PTGR1: variants seen among roughly 807,000 people sequenced by gnomAD.
PTGR1 encodes 15-oxoprostaglandin 13-reductase.
PTGR1 carries 23 observed loss-of-function variants against 37.7 expected under a neutral mutation model. The observed-to-expected ratio is 0.61, with a 90% confidence interval of 0.44 to 0.86. The LOEUF (loss-of-function observed/expected upper bound fraction) is 0.86. Ranked by LOEUF, PTGR1 falls within the 40% of genes least tolerant of loss-of-function variation. The pLI, the probability that PTGR1 is intolerant of heterozygous loss-of-function variation, is 0.00. For missense variants in PTGR1, 351 were observed against 394.3 expected, an observed-to-expected ratio of 0.89 and a Z score of 0.93; for synonymous variants, 134 against 140.0, an observed-to-expected ratio of 0.96 and a Z score of 0.30.
At chr9:111,584,376 C>G (rs1829368468) in intron 5 of PTGR1, among the ~76,000 whole-genome samples, 1 of 152,182 alleles carries the variant, frequency 6.6e-6, no homozygotes, top group Non-Finnish European at 1.5e-5. Context: ...GTAGAGGGTA[C>G]AGGGCGGGCA....
chr9:111,568,377 G>A (rs1444723128), intron 9 of PTGR1, among the ~76,000 whole-genome samples: 2 of 152,152 alleles, frequency 1.3e-5, no homozygotes, highest in East Asian at 1.9e-4. Flanking sequence ...GTACCCTCAG[G>A]CTTATTAGGG....
chr9:111,588,715 G>A (rs1034044011), intron 4 of PTGR1, among the ~76,000 whole-genome samples: 1 of 151,824 alleles, frequency 6.6e-6, no homozygotes, highest in Non-Finnish European at 1.5e-5. Flanking sequence ...TAGTAGAGAC[G>A]AGGTTTCACC....
intron 8 of PTGR1, among the ~76,000 whole-genome samples, chr9:111,570,903 G>A (rs764086986): frequency 3.3e-5 from 5 of 152,188 alleles, no homozygotes; most frequent in Admixed American, 6.5e-5. Flanking sequence ...TACAGTCAGG[G>A]ACAGAATATG....
chr9:111,566,495 CATG>C (rs1828568678), intron 9 of PTGR1, among the ~76,000 whole-genome samples: 1 of 152,160 alleles, frequency 6.6e-6, no homozygotes, highest in Non-Finnish European at 1.5e-5. Context: ...GATTAGGAAA[CATG>C]ATGTCATTTT....
intron 8 of PTGR1, among the ~76,000 whole-genome samples, chr9:111,572,890 G>T (rs1004733868): frequency 6.6e-6 from 1 of 151,984 alleles, no homozygotes; most frequent in Non-Finnish European, 1.5e-5. Flanking sequence ...TGCTGTTTCT[G>T]GATTTGTGCG....
intron 2 of PTGR1, 67 bp from the exon 3 acceptor site, chr9:111,594,334 C>T: frequency 2.9e-6 from 4 of 1,378,048 alleles, no homozygotes; most frequent in Non-Finnish European, 4.1e-6. Context: ...AGACACTGAG[C>T]ACCACTAGAC....
intron 9 of PTGR1, among the ~76,000 whole-genome samples, chr9:111,552,118 T>C (rs1212656803): frequency 6.6e-6 from 1 of 152,198 alleles, no homozygotes; most frequent in African/African-American, 2.4e-5. Context: ...AGGGAGAAAA[T>C]GTGAATCACA....
intron 5 of PTGR1, among the ~76,000 whole-genome samples, chr9:111,584,578 A>G (rs1232351894): frequency 9.2e-5 from 14 of 152,172 alleles, no homozygotes; most frequent in Admixed American, 9.2e-4. Context: ...CACTGTATAT[A>G]TATTTCCATT....
chr9:111,579,374 C>A (rs1273002316), intron 6 of PTGR1, among the ~76,000 whole-genome samples: 4 of 151,916 alleles, frequency 2.6e-5, no homozygotes, highest in Non-Finnish European at 4.4e-5. Flanking sequence ...AGTAACTGCC[C>A]CCTTATCCTT....
rs772219157 is a variant in PTGR1 at position 111,592,960 on chromosome 9, C to CT, written c.174_175insA (p.Glu59ArgfsTer3). The CT allele has an allele frequency of 1.4e-6, 2 of 1,443,486 alleles. No individual in the cohort carries two copies. Among genetic ancestry groups the CT allele is most frequent in the Non-Finnish European group, 1.9e-6 (2 of 1,075,394 alleles). 89.4% of individuals were successfully genotyped at this position (1,443,486 alleles called of 1,614,324 possible). ...TGCTGCCCCATCATTGTATCACCTT[C>CT]CTTCAATCTTTTGGCTGCCACTCTG... On this transcript the variant is annotated frameshift_variant, in exon 4 of 10. Coordinates refer to ENST00000407693, the MANE Select transcript of PTGR1 (RefSeq NM_001146108.2). LOFTEE classifies it high-confidence loss of function.
downstream of PTGR1, among the ~76,000 whole-genome samples, chr9:111,559,788 A>C (rs1388961140): frequency 6.6e-6 from 1 of 152,050 alleles, no homozygotes; most frequent in Non-Finnish European, 1.5e-5. Flanking sequence ...GGCTCCTTCT[A>C]ATGTCTTTAG....
chr9:111,579,924 G>C (rs1829223839), intron 6 of PTGR1, among the ~76,000 whole-genome samples: 1 of 152,172 alleles, frequency 6.6e-6, no homozygotes, highest in Admixed American at 6.5e-5. Flanking sequence ...GTATTATGAA[G>C]ACCAGAATAT....
chr9:111,591,756 G>A lies in PTGR1; in HGVS notation c.209+1170C>T, dbSNP rs566963584. 5.9e-5 allele frequency among the ~76,000 whole-genome samples: 9 copies of A among 152,188 alleles called. No homozygotes were observed. The East Asian group carries it at 1.5e-3, about 26-fold the overall frequency. On this transcript the variant is annotated intron_variant, in intron 4 of 9. Transcript: ENST00000407693. Reference sequence around the variant, plus strand: ...TTTCAGTTTCTAAGATAAAAATTTTGTTTTATTTGAATTTTTACAATAATC... The same window carrying A: ...TTTCAGTTTCTAAGATAAAAATTTTATTTTATTTGAATTTTTACAATAATC...
downstream of PTGR1, among the ~76,000 whole-genome samples, chr9:111,560,144 G>A (rs1828231414): frequency 6.6e-6 from 1 of 151,668 alleles, no homozygotes; most frequent in African/African-American, 2.4e-5. Context: ...TCAGGAGGTC[G>A]AGACCAGCCT....
chr9:111,560,968 TATATATAG>T (rs1375326865), downstream of PTGR1, among the ~76,000 whole-genome samples: 14 of 40,066 alleles, frequency 3.5e-4, no homozygotes, highest in East Asian at 9.0e-4. Flanking sequence ...TATATATATA[TATATATAG>T]AGAGAGAGAG....
At chr9:111,578,001 G>GC (rs148260129) in intron 7 of PTGR1, among the ~76,000 whole-genome samples, 1 of 131,838 alleles carries the variant, frequency 7.6e-6, no homozygotes, top group Non-Finnish European at 1.7e-5. Context: ...AGCGTTTTTT[G>GC]GGGGGGGTGA....
chr9:111,553,099 C>A (rs928597010), intron 9 of PTGR1, among the ~76,000 whole-genome samples: 3 of 152,106 alleles, frequency 2.0e-5, no homozygotes, highest in African/African-American at 7.2e-5. Context: ...TTTGTGTATT[C>A]TTTTTTGACT....
intron 9 of PTGR1, among the ~76,000 whole-genome samples, chr9:111,552,966 G>A (rs1828014018): frequency 6.6e-6 from 1 of 152,018 alleles, no homozygotes; most frequent in African/African-American, 2.4e-5. Context: ...TCCATCTAAG[G>A]TTCTTTGTAG....
intron 4 of PTGR1, among the ~76,000 whole-genome samples, chr9:111,587,342 T>C (rs917557850): frequency 6.6e-6 from 1 of 152,206 alleles, no homozygotes. Context: ...TTTAAACATA[T>C]AAAACAAAAA....
Sources: allele counts gnomAD v4.1 joint callset (sites outside exome capture counted in the v4.1 genomes callset), GRCh38; gene constraint gnomAD v4.1.1; transcripts MANE v1.5; gene names NCBI Gene and HGNC (gene_info 2026-07-23, HGNC 2026-07-21).